Variants in SUPT3H observed in about 807,000 individuals in gnomAD.
SUPT3H encodes transcription initiation protein SPT3 homolog.
A neutral mutation model predicts 44.3 loss-of-function variants in SUPT3H; 44 were observed. That is an observed-to-expected ratio of 0.99 (90% confidence interval 0.78 to 1.28). The LOEUF (loss-of-function observed/expected upper bound fraction) is 1.28, where lower values mean the gene tolerates loss of function less well. Ranked by LOEUF, SUPT3H falls within the 50% of genes most tolerant of loss-of-function variation. SUPT3H has a pLI of 0.00. For missense variants in SUPT3H, 380 were observed against 387.1 expected, an observed-to-expected ratio of 0.98 and a Z score of 0.15; for synonymous variants, 124 against 125.6, an observed-to-expected ratio of 0.99 and a Z score of 0.09.
At chr6:45,303,701 C>CA (rs1331675571) in intron 2 of SUPT3H, among the ~76,000 whole-genome samples, 1 of 126,556 alleles carries the variant, frequency 7.9e-6, no homozygotes, top group Non-Finnish European at 1.7e-5. Context: ...AAGAAACAAA[C>CA]AAAAAAAGCC....
At chr6:45,282,094 C>G (rs1298085571) in intron 2 of SUPT3H, among the ~76,000 whole-genome samples, 1 of 152,142 alleles carries the variant, frequency 6.6e-6, no homozygotes, top group Non-Finnish European at 1.5e-5. Context: ...CTGTACGTCA[C>G]TATCATCAAA....
At chr6:44,963,068 T>C (rs1209956784) in intron 6 of SUPT3H, among the ~76,000 whole-genome samples, 4 of 151,404 alleles carry the variant, frequency 2.6e-5, no homozygotes, top group Non-Finnish European at 5.9e-5. Context: ...TGTATGTGTA[T>C]ATATATACAC....
At chr6:45,130,884 ATT>A (rs985678667) in intron 2 of SUPT3H, among the ~76,000 whole-genome samples, 10 of 151,616 alleles carry the variant, frequency 6.6e-5, no homozygotes, top group African/African-American at 1.9e-4. Flanking sequence ...CGCCCAGCTA[ATT>A]TTGTATTTTT....
At chr6:45,331,103 T>TGG (rs1202539705) in intron 2 of SUPT3H, among the ~76,000 whole-genome samples, 3 of 122,530 alleles carry the variant, frequency 2.4e-5, no homozygotes, top group Admixed American at 9.1e-5. Context: ...ATACAATGAG[T>TGG]GGTGTGTGTG....
chr6:45,219,272 T>C (rs572595203), intron 2 of SUPT3H, among the ~76,000 whole-genome samples: 2 of 151,570 alleles, frequency 1.3e-5, no homozygotes, highest in South Asian at 2.1e-4. Context: ...AGTAGGAAAA[T>C]AGTAGAGAAA....
At chr6:45,188,956 TTTG>T (rs1257924617) in intron 2 of SUPT3H, among the ~76,000 whole-genome samples, 2 of 152,146 alleles carry the variant, frequency 1.3e-5, no homozygotes, top group Admixed American at 6.5e-5. Flanking sequence ...TTTCTGGTTT[TTTG>T]TTGTTTTTGT....
At chr6:45,062,222 A>G (rs1792214835) in intron 3 of SUPT3H, among the ~76,000 whole-genome samples, 1 of 152,152 alleles carries the variant, frequency 6.6e-6, no homozygotes, top group African/African-American at 2.4e-5. Flanking sequence ...AAGTTATTAC[A>G]TTCATCTTAG....
At chr6:44,893,063 C>T (rs1763549007) in intron 10 of SUPT3H, among the ~76,000 whole-genome samples, 1 of 152,044 alleles carries the variant, frequency 6.6e-6, no homozygotes, top group Admixed American at 6.5e-5. Flanking sequence ...AACACACACA[C>T]ACATAATTTA....
chr6:45,132,532 C>T (rs955274989), intron 2 of SUPT3H, among the ~76,000 whole-genome samples: 3 of 152,154 alleles, frequency 2.0e-5, no homozygotes, highest in Admixed American at 6.6e-5. Flanking sequence ...GAAACCAACA[C>T]ATTTTAAATA....
At chr6:45,058,355 T>A (rs2153540455) in intron 3 of SUPT3H, among the ~76,000 whole-genome samples, 1 of 152,280 alleles carries the variant, frequency 6.6e-6, no homozygotes, top group South Asian at 2.1e-4. Context: ...GAAACACTAA[T>A]AACTATAATT....
intron 10 of SUPT3H, among the ~76,000 whole-genome samples, chr6:44,879,472 TA>T (rs1376487117): frequency 6.6e-6 from 1 of 152,140 alleles, no homozygotes; most frequent in Non-Finnish European, 1.5e-5. Flanking sequence ...ACAGAGCATC[TA>T]GGGGAAGGGG....
chr6:45,148,093 A>T (rs1387559153), intron 2 of SUPT3H, among the ~76,000 whole-genome samples: 2 of 152,184 alleles, frequency 1.3e-5, no homozygotes, highest in Non-Finnish European at 2.9e-5. Context: ...CAATACACTA[A>T]ATCTATATAT....
At chr6:44,948,435 C>T (rs939518809) in intron 9 of SUPT3H, among the ~76,000 whole-genome samples, 9 of 152,074 alleles carry the variant, frequency 5.9e-5, no homozygotes, top group African/African-American at 1.7e-4. Flanking sequence ...AAAGAATCTA[C>T]CATCAGAGTG....
chr6:45,300,769 C>T (rs983431373), intron 2 of SUPT3H, among the ~76,000 whole-genome samples: 3 of 152,014 alleles, frequency 2.0e-5, no homozygotes, highest in Non-Finnish European at 2.9e-5. Flanking sequence ...TATACCTGAT[C>T]GCAGATTTTT....
downstream of SUPT3H, among the ~76,000 whole-genome samples, chr6:44,823,917 C>T (rs1043473820): frequency 2.6e-5 from 4 of 152,066 alleles, no homozygotes; most frequent in Non-Finnish European, 4.4e-5. Context: ...GAGCTGAGAT[C>T]GAGCCATTGC....
At position 44,871,080 on chromosome 6, in the gene SUPT3H, C is replaced by T. The variant is rs1193095413; in HGVS notation, c.913-41223G>A. On this transcript the variant is annotated intron_variant, in intron 10 of 10. Transcript: ENST00000371459. ...GCAACGAGGCTGGGGGAGGGGCGCCCGCCATTGCCCAGGCTTGCTTAGGTA... is the reference window on the plus strand; with the variant it reads ...GCAACGAGGCTGGGGGAGGGGCGCCTGCCATTGCCCAGGCTTGCTTAGGTA... Among the ~76,000 whole-genome samples the T allele has an allele frequency of 7.3e-5, 11 of 150,212 alleles. No individual in the cohort carries two copies. The East Asian group carries it at 1.2e-3, about 16-fold the overall frequency.
intron 6 of SUPT3H, among the ~76,000 whole-genome samples, chr6:44,981,070 G>C (rs753751806): frequency 4.6e-5 from 7 of 152,184 alleles, no homozygotes; most frequent in Non-Finnish European, 8.8e-5. Flanking sequence ...GTAAATGCCA[G>C]CTGGTGGGAT....
chr6:45,274,976 G>A (rs564433087), intron 2 of SUPT3H, among the ~76,000 whole-genome samples: 1 of 152,094 alleles, frequency 6.6e-6, no homozygotes, highest in African/African-American at 2.4e-5. Context: ...TATTAATGAG[G>A]CATATTATAT....
intron 3 of SUPT3H, among the ~76,000 whole-genome samples, chr6:45,058,731 G>A (rs967346482): frequency 2.0e-5 from 3 of 152,050 alleles, no homozygotes; most frequent in Admixed American, 6.6e-5. Context: ...CCCTTCCCCT[G>A]CCCCATCATT....
Sources: allele counts gnomAD v4.1 joint callset (sites outside exome capture counted in the v4.1 genomes callset), GRCh38; gene constraint gnomAD v4.1.1; transcripts MANE v1.5; gene names NCBI Gene and HGNC (gene_info 2026-07-23, HGNC 2026-07-21).